The following CAPN8 variants were observed in gnomAD, a reference collection of about 807,000 sequenced individuals.
The protein encoded by CAPN8 is calpain-8.
A neutral mutation model predicts 80.9 loss-of-function variants in CAPN8; 87 were observed. The ratio of observed to expected loss-of-function variants is 1.07; its 90% CI spans 0.90 to 1.28. CAPN8 has a LOEUF of 1.28. CAPN8 is among the 50% of genes most tolerant of loss of function. The pLI is 0.00. For synonymous variants in CAPN8, 299 were observed against 273.8 expected (o/e 1.09, Z -0.91); for missense variants, 757 against 702.0 (o/e 1.08, Z -0.89).
chr1:223,548,514 G>A (rs1278545596), intron 16 of CAPN8, among the ~76,000 whole-genome samples: 2 of 152,136 alleles, frequency 1.3e-5, no homozygotes, highest in African/African-American at 4.8e-5. Flanking sequence ...AGGTCATGAG[G>A]GTGGAACCCT....
At chr1:223,661,768 C>T (rs1658652193) in intron 1 of CAPN8, among the ~76,000 whole-genome samples, 1 of 152,186 alleles carries the variant, frequency 6.6e-6, no homozygotes, top group African/African-American at 2.4e-5. Flanking sequence ...TCCTCAAAAA[C>T]TTGAACGTAG....
chr1:223,548,850 A>G (rs934395446), intron 16 of CAPN8, among the ~76,000 whole-genome samples: 2 of 149,938 alleles, frequency 1.3e-5, no homozygotes, highest in African/African-American at 4.9e-5. Flanking sequence ...ACTCTAAACT[A>G]TCAGTAGTAG....
intron 2 of CAPN8, among the ~76,000 whole-genome samples, chr1:223,632,372 T>G (rs1360195055): frequency 2.0e-5 from 3 of 152,082 alleles, no homozygotes; most frequent in Non-Finnish European, 4.4e-5. Context: ...GCATAGGTTT[T>G]GTTTTGTTTT....
chr1:223,640,660 C>A (rs1466368572), intron 2 of CAPN8, among the ~76,000 whole-genome samples: 2 of 152,168 alleles, frequency 1.3e-5, no homozygotes, highest in Non-Finnish European at 2.9e-5. Flanking sequence ...ATCCTCCTCC[C>A]TAACATTGCT....
rs1276141279 is a variant in CAPN8 at position 223,545,213 on chromosome 1, G to T, written c.1833+18C>A. ...ATTAGAACAGAGGAGAGGATGCCCA[G>T]AAGGAAAAGAGAGTTACCAGATACT... On this transcript the variant is annotated intron_variant, in intron 17 of 20. Transcript: ENST00000366872. The T allele has an allele frequency of 6.4e-7, 1 of 1,551,674 alleles. No individual in the cohort carries two copies. Among genetic ancestry groups the T allele is most frequent in the Non-Finnish European group, 8.7e-7 (1 of 1,146,974 alleles).
chr1:223,628,676 T>C lies in CAPN8; in HGVS notation c.412A>G (p.Ile138Val), dbSNP rs750547548. The change falls in exon 3 of 21, where the codon ATC (isoleucine) becomes GTC (valine). Residue 138 changes from isoleucine to valine, a missense_variant. Ile to Val is a conservative substitution (Grantham distance 29). Transcript: ENST00000366872. ...GAGCACAGTACCTGAAAGTGAAAGA[T>C]TCCCGCATAGTTCTCCTGGAAGTCC... Reference protein sequence around the residue: ...DQDFQENYAGIFHFQFWQYGE... With the variant: ...DQDFQENYAGVFHFQFWQYGE... 4 of 1,551,382 alleles carry C rather than the reference T, an allele frequency of 2.6e-6. No homozygotes were observed. The highest frequency in any genetic ancestry group is 3.5e-6 in the Non-Finnish European group (4 of 1,146,704).
intron 3 of CAPN8, 102 bp from the exon 4 acceptor site, chr1:223,628,244 G>C (rs1237076832): frequency 9.0e-6 from 12 of 1,329,958 alleles, no homozygotes; most frequent in African/African-American, 3.0e-5. Context: ...ATCAGTGTTC[G>C]AGTCTTGGCT....
chr1:223,637,942 A>C (rs1224739358), intron 2 of CAPN8, among the ~76,000 whole-genome samples: 3 of 152,214 alleles, frequency 2.0e-5, no homozygotes, highest in African/African-American at 7.2e-5. Flanking sequence ...TTTATTGTGC[A>C]AGATCATCTG....
intron 2 of CAPN8, among the ~76,000 whole-genome samples, chr1:223,650,355 C>T (rs115656116): frequency 0.015 from 2,353 of 152,246 alleles, 40 homozygotes; most frequent in Admixed American, 0.047. Flanking sequence ...GAGGAGGTTC[C>T]CAGTCACAAG....
intron 2 of CAPN8, among the ~76,000 whole-genome samples, chr1:223,645,627 T>C (rs10916651): frequency 0.59 from 89,683 of 152,052 alleles, 26,579 homozygotes; most frequent in African/African-American, 0.64. Flanking sequence ...TGAACACATG[T>C]ACAGAAGGGG....
intron 9 of CAPN8, chr1:223,618,426 T>C: frequency 8.8e-7 from 1 of 1,131,212 alleles, no homozygotes. Flanking sequence ...ACGCATGCCC[T>C]GTGTGTGGCC....
intron 13 of CAPN8, among the ~76,000 whole-genome samples, chr1:223,557,690 G>A (rs1656936166): frequency 6.6e-6 from 1 of 152,018 alleles, no homozygotes; most frequent in African/African-American, 2.4e-5. Context: ...GCACCCCTCA[G>A]ACTACACATA....
At chr1:223,631,340 G>T (rs1251500012) in intron 2 of CAPN8, among the ~76,000 whole-genome samples, 1 of 152,092 alleles carries the variant, frequency 6.6e-6, no homozygotes, top group Admixed American at 6.5e-5. Flanking sequence ...TTTGCACCCA[G>T]ACTGGCCTCA....
chr1:223,616,120 GA>G lies in CAPN8; in HGVS notation c.1160del (p.Phe387SerfsTer27). On this transcript the variant is annotated frameshift_variant, in exon 10 of 21. Transcript: ENST00000366872. LOFTEE classifies it high-confidence loss of function. ...CATCCACTTCATCCAAACGGATTTT[GA>G]ACTGGGGATTGGTCCAGTACGTGGC... ...YPATYWTNPQ[F>X]KIRLDEVDED... The G allele has an allele frequency of 1.3e-6, 2 of 1,551,642 alleles. No homozygotes were observed. The highest frequency in any genetic ancestry group is 1.7e-6 in the Non-Finnish European group (2 of 1,146,872).
intron 4 of CAPN8, 51 bp from the exon 5 acceptor site, chr1:223,627,208 C>T (rs1657614121): frequency 6.5e-7 from 1 of 1,537,724 alleles, no homozygotes; most frequent in Non-Finnish European, 8.8e-7. Context: ...AGCAAGGAGA[C>T]CCGGGGATTG....
chr1:223,631,980 C>A (rs537387815), intron 2 of CAPN8, among the ~76,000 whole-genome samples: 96 of 151,684 alleles, frequency 6.3e-4, no homozygotes, highest in Admixed American at 1.3e-3. Context: ...GACAGCCCAC[C>A]CAGAGCACTC....
At chr1:223,651,082 C>A (rs746199691) in intron 2 of CAPN8, among the ~76,000 whole-genome samples, 2 of 152,130 alleles carry the variant, frequency 1.3e-5, no homozygotes, top group African/African-American at 2.4e-5. Context: ...CCACATGGGG[C>A]GACCCTGAGA....
At chr1:223,551,373 C>T (rs1310647427) in intron 14 of CAPN8, among the ~76,000 whole-genome samples, 1 of 152,196 alleles carries the variant, frequency 6.6e-6, no homozygotes, top group African/African-American at 2.4e-5. Context: ...GAACTCCTGA[C>T]ATCGTGATCT....
chr1:223,640,276 C>G (rs1291914468), intron 2 of CAPN8, among the ~76,000 whole-genome samples: 1 of 152,124 alleles, frequency 6.6e-6, no homozygotes, highest in African/African-American at 2.4e-5. Flanking sequence ...CATAGAAAGC[C>G]CTCAATAAAC....
Sources: gnomAD v4.1 joint callset for allele counts (sites outside exome capture counted in the v4.1 genomes callset) on GRCh38, gnomAD v4.1.1 for gene constraint, MANE v1.5 for transcripts, NCBI Gene and HGNC (gene_info 2026-07-23, HGNC 2026-07-21) for gene names.